UBA6: variants seen among roughly 807,000 people sequenced by gnomAD.
The protein encoded by UBA6 is ubiquitin-like modifier-activating enzyme 6.
UBA6 carries 87 observed loss-of-function variants against 148.3 expected under a neutral mutation model. The observed-to-expected ratio is 0.59, with a 90% CI of 0.49 to 0.70. The LOEUF (loss-of-function observed/expected upper bound fraction) is 0.70. UBA6 is among the 30% of genes least tolerant of loss of function. The pLI, the probability that UBA6 is intolerant of heterozygous loss-of-function variation, is 0.00. For missense variants in UBA6, 1,186 were observed against 1,241.2 expected, an observed-to-expected ratio of 0.96 and a Z score of 0.67; for synonymous variants, 376 against 401.0, an observed-to-expected ratio of 0.94 and a Z score of 0.75.
chr4:67,638,983 T>C lies in UBA6; in HGVS notation c.1696A>G (p.Thr566Ala). The change falls in exon 19 of 33, where the codon ACA becomes GCA. Residue 566 changes from threonine (T) to alanine (A), a missense_variant. Transcript: ENST00000322244. ...CTGGCTTCCACATTATCTAATGCTG[T>C]AATAATTACATCTTGTTTAGTATAG... The part of the protein sequence containing the change: ...EFYTKQDVII[T>A]ALDNVEARRY... 1.9e-6 allele frequency: 3 copies of C among 1,612,336 alleles called. No individual in the cohort carries two copies. The highest frequency in any genetic ancestry group is 1.7e-6 in the Non-Finnish European group (2 of 1,178,928).
intron 2 of UBA6, among the ~76,000 whole-genome samples, chr4:67,695,287 T>C (rs905603672): frequency 6.6e-6 from 1 of 152,244 alleles, no homozygotes; most frequent in African/African-American, 2.4e-5. Flanking sequence ...ACTGACCTGC[T>C]TGCTGTTTTG....
chr4:67,660,727 G>A (rs572039289), intron 13 of UBA6, among the ~76,000 whole-genome samples: 2 of 152,306 alleles, frequency 1.3e-5, no homozygotes, highest in Non-Finnish European at 2.9e-5. Context: ...TGTGAGAAGA[G>A]TGCCACAGTC....
chr4:67,666,983 GA>G (rs990389559), intron 9 of UBA6, among the ~76,000 whole-genome samples: 2 of 151,616 alleles, frequency 1.3e-5, no homozygotes, highest in Non-Finnish European at 2.9e-5. Flanking sequence ...AAATGTTAAG[GA>G]AAAAAAAGCT....
intron 19 of UBA6, among the ~76,000 whole-genome samples, chr4:67,637,301 G>T (rs575160723): frequency 2.0e-5 from 3 of 149,514 alleles, no homozygotes; most frequent in Admixed American, 1.3e-4. Flanking sequence ...CAGCCGCCCC[G>T]TCCGGGAGGG....
intron 14 of UBA6, among the ~76,000 whole-genome samples, chr4:67,648,600 G>A (rs1729479986): frequency 6.6e-6 from 1 of 152,026 alleles, no homozygotes; most frequent in Admixed American, 6.6e-5. Context: ...CAAAAGAAAT[G>A]GGGATTTTTA....
At chr4:67,628,473 T>C (rs990305334) in intron 27 of UBA6, among the ~76,000 whole-genome samples, 13 of 151,898 alleles carry the variant, frequency 8.6e-5, no homozygotes, top group Non-Finnish European at 1.5e-4. Flanking sequence ...AAAATGTTAC[T>C]GTTATCAGAG....
chr4:67,670,576 A>G lies in UBA6; in HGVS notation c.563T>C (p.Val188Ala). 6.2e-7 allele frequency: 1 copy of G among 1,609,470 alleles called. No individual in the cohort carries two copies. The highest frequency in any genetic ancestry group is 8.5e-7 in the Non-Finnish European group (1 of 1,177,664). ...AAATAACCTTGACCAAATTCCATGT[A>G]CATCTGCACTGATAAACTGTAAAAT... ...CPPIKFISAD[V>A]HGIWSRLFCD... is the part of the protein sequence containing the mutation. The change falls in exon 8 of 33, where the codon GTA (valine) becomes GCA (alanine). Residue 188 changes from valine (V) to alanine (A), a missense_variant. Transcript: ENST00000322244.
intron 1 of UBA6, among the ~76,000 whole-genome samples, chr4:67,699,226 T>A (rs1020464990): frequency 6.6e-6 from 1 of 152,190 alleles, no homozygotes; most frequent in African/African-American, 2.4e-5. Context: ...ATCAATATAC[T>A]GGCAGAAGTG....
chr4:67,690,826 T>C (rs962719770), intron 2 of UBA6, among the ~76,000 whole-genome samples: 21 of 152,180 alleles, frequency 1.4e-4, no homozygotes, highest in African/African-American at 3.6e-4. Context: ...TGTGGAGAAA[T>C]TGGAACTTTT....
rs1403634049 is a variant in UBA6, at chr4:67,625,083, T to A, written c.2623A>T (p.Ile875Phe). The A allele has an allele frequency of 6.2e-7, 1 of 1,613,580 alleles. No individual in the cohort carries two copies. The highest frequency in any genetic ancestry group is 1.7e-5 in the Admixed American group (1 of 59,990). Reference protein sequence around the residue: ...ASNLRAKMYSIEPADRFKTKR... With the variant: ...ASNLRAKMYSFEPADRFKTKR... Reference sequence around the variant, plus strand: ...GTTTTGAAACGGTCAGCTGGTTCAATGCTGTACATTTTGGCACGAAGATTT... The same window carrying A: ...GTTTTGAAACGGTCAGCTGGTTCAAAGCTGTACATTTTGGCACGAAGATTT... The change falls in exon 29 of 33, where the codon ATT becomes TTT. Residue 875 changes from isoleucine to phenylalanine, a missense_variant. Physicochemically the swap from Ile to Phe is conservative, Grantham distance 21. Coordinates refer to ENST00000322244, the MANE Select transcript of UBA6 (RefSeq NM_018227.6).
At chr4:67,671,318 G>T (rs572757678) in intron 7 of UBA6, among the ~76,000 whole-genome samples, 2 of 152,106 alleles carry the variant, frequency 1.3e-5, no homozygotes, top group African/African-American at 4.8e-5. Context: ...TGATATTACG[G>T]TATAAGAACA....
rs530953368 is a variant in UBA6 at position 67,672,680 on chromosome 4, G to A, written c.546+1017C>T. ...CCTCTCCTCTTTACCACTCTATTTT[G>A]GTCCTGTTTGCCTCTTATTGTTCCT... On this transcript the variant is annotated intron_variant, in intron 7 of 32. Coordinates refer to ENST00000322244, the MANE Select transcript of UBA6 (RefSeq NM_018227.6). Among the ~76,000 whole-genome samples, 13 of 152,100 alleles carry A rather than the reference G, an allele frequency of 8.5e-5. No homozygotes were observed. The South Asian group carries it at 2.7e-3, about 32-fold the overall frequency.
chr4:67,663,658 G>C (rs561577320), intron 11 of UBA6: 3 of 502,370 alleles, frequency 6.0e-6, no homozygotes, highest in Middle Eastern at 3.3e-4. Flanking sequence ...CATTATAAAA[G>C]TGAAACTTTT....
In UBA6 at chr4:67,662,236, C is replaced by T; in HGVS notation, c.1057G>A (p.Glu353Lys). 6.2e-7 allele frequency: 1 copy of T among 1,613,472 alleles called. No individual in the cohort carries two copies. Among genetic ancestry groups the T allele is most frequent in the South Asian group, 1.1e-5 (1 of 91,028 alleles). The stretch of plus-strand genomic sequence containing the variant: ...ATAGATGTTGCTAGTTTCAACAGTT[C>T]TTCTGAATCTTGTTGGCATCTACAA... The part of the protein sequence containing the change: ...PNVGCQQDSE[E>K]LLKLATSISE... The change falls in exon 13 of 33, where the codon GAA becomes AAA. Residue 353 changes from glutamate to lysine, a missense_variant. Glu to Lys is a moderately conservative substitution (Grantham distance 56). Coordinates refer to ENST00000322244, the MANE Select transcript of UBA6 (RefSeq NM_018227.6).
chr4:67,650,677 G>A (rs1729532136), intron 13 of UBA6, among the ~76,000 whole-genome samples: 1 of 151,986 alleles, frequency 6.6e-6, no homozygotes, highest in East Asian at 1.9e-4. Flanking sequence ...TTACAATCTC[G>A]GACAGAGAGC....
chr4:67,625,062 T>C lies in UBA6; in HGVS notation c.2644A>G (p.Lys882Glu). 1.2e-6 allele frequency: 2 copies of C among 1,613,380 alleles called. No individual in the cohort carries two copies. The highest frequency in any genetic ancestry group is 1.7e-6 in the Non-Finnish European group (2 of 1,179,448). The change falls in exon 29 of 33, where the codon AAA becomes GAA. Residue 882 changes from lysine to glutamate, a missense_variant. By Grantham distance (56) the Lys-to-Glu change is moderately conservative. Coordinates refer to ENST00000322244, the MANE Select transcript of UBA6 (RefSeq NM_018227.6). Reference protein sequence around the residue: ...MYSIEPADRFKTKRIAGKIIP... With the variant: ...MYSIEPADRFETKRIAGKIIP... ...ATTTTACCAGCTATGCGCTTTGTTTTGAAACGGTCAGCTGGTTCAATGCTG... is the reference window on the plus strand; with the variant it reads ...ATTTTACCAGCTATGCGCTTTGTTTCGAAACGGTCAGCTGGTTCAATGCTG...
At chr4:67,659,243 C>G (rs1729778980) in intron 13 of UBA6, among the ~76,000 whole-genome samples, 1 of 152,074 alleles carries the variant, frequency 6.6e-6, no homozygotes, top group Admixed American at 6.5e-5. Context: ...GATATTAAAG[C>G]TTTTACCACT....
intron 13 of UBA6, among the ~76,000 whole-genome samples, chr4:67,650,383 T>C (rs894872641): frequency 6.6e-6 from 1 of 152,092 alleles, no homozygotes; most frequent in African/African-American, 2.4e-5. Context: ...ACTTTATAGG[T>C]TTATTCTCAG....
At chr4:67,657,973 T>C (rs1193662354) in intron 13 of UBA6, among the ~76,000 whole-genome samples, 3 of 152,050 alleles carry the variant, frequency 2.0e-5, no homozygotes, top group African/African-American at 4.8e-5. Context: ...ATCAGAGACA[T>C]GCAAATCAAA....
Sources: gnomAD v4.1 joint callset for allele counts (sites outside exome capture counted in the v4.1 genomes callset) on GRCh38, gnomAD v4.1.1 for gene constraint, MANE v1.5 for transcripts, NCBI Gene and HGNC (gene_info 2026-07-23, HGNC 2026-07-21) for gene names.